The following LRRTM4 variants were observed in gnomAD, a reference collection of about 807,000 sequenced individuals.
LRRTM4 encodes leucine rich repeat transmembrane neuronal 4.
A neutral mutation model predicts 47.6 loss-of-function variants in LRRTM4; 25 were observed. That is an observed-to-expected ratio of 0.53 (90% CI 0.38 to 0.73). LRRTM4 has a LOEUF of 0.73. LRRTM4 is among the 30% of genes least tolerant of loss of function. LRRTM4 has a pLI of 0.00. For missense variants in LRRTM4, 638 were observed against 713.4 expected (o/e 0.89, Z 1.20); for synonymous variants, 311 against 269.5 (o/e 1.15, Z -1.51).
intron 3 of LRRTM4, among the ~76,000 whole-genome samples, chr2:77,280,621 G>A (rs1460972991): frequency 6.6e-6 from 1 of 151,884 alleles, no homozygotes; most frequent in Non-Finnish European, 1.5e-5. Flanking sequence ...TTTGCAGTGT[G>A]ACTTTGCCCG....
chr2:76,783,794 C>G (rs976434492), intron 3 of LRRTM4, among the ~76,000 whole-genome samples: 2 of 151,986 alleles, frequency 1.3e-5, no homozygotes, highest in African/African-American at 4.8e-5. Context: ...TGAGATCAGA[C>G]AAGTAAAAAA....
intron 3 of LRRTM4, among the ~76,000 whole-genome samples, chr2:77,162,886 G>T (rs1248173149): frequency 6.6e-6 from 1 of 152,156 alleles, no homozygotes; most frequent in Non-Finnish European, 1.5e-5. Flanking sequence ...GAGCAGAAAA[G>T]CTGAAAATTT....
At chr2:76,749,552 T>C (rs1368774109) in intron 3 of LRRTM4, among the ~76,000 whole-genome samples, 3 of 152,166 alleles carry the variant, frequency 2.0e-5, no homozygotes, top group Non-Finnish European at 4.4e-5. Context: ...CAAAGAACTC[T>C]GGAATCATGG....
At chr2:77,255,167 A>G (rs1245572898) in intron 3 of LRRTM4, among the ~76,000 whole-genome samples, 2 of 151,954 alleles carry the variant, frequency 1.3e-5, no homozygotes, top group South Asian at 2.1e-4. Context: ...AAACAAAACT[A>G]CTAGTAACAG....
At position 76,779,590 on chromosome 2, in the gene LRRTM4, CT is replaced by C. The variant is rs536113824; in HGVS notation, c.1552-30675del. On this transcript the variant is annotated intron_variant, in intron 3 of 3. Transcript: ENST00000409884. ...CAGAGACTAGGATTGCAACCCCTGCCTTTTTTTGTTTTCCATTGGCTTGGTA... is the reference window on the plus strand; with the variant it reads ...CAGAGACTAGGATTGCAACCCCTGCCTTTTTTGTTTTCCATTGGCTTGGTA... 5.3e-3 allele frequency among the ~76,000 whole-genome samples: 778 copies of C among 147,470 alleles called. 7 individuals are homozygous for C. Among genetic ancestry groups the C allele is most frequent in the African/African-American group, 0.018 (703 of 39,690 alleles).
At position 77,522,302 on chromosome 2, in the gene LRRTM4, C is replaced by T. The variant is rs899848693; in HGVS notation, c.-341G>A. 13 of 534,702 alleles carry T rather than the reference C, an allele frequency of 2.4e-5. 1 individual carries two copies. The highest frequency in any genetic ancestry group is 1.3e-4 in the African/African-American group (7 of 51,858). 33.1% of individuals were successfully genotyped at this position (534,702 alleles called of 1,614,324 possible). On this transcript the variant is annotated 5_prime_UTR_variant, in exon 1 of 4. Coordinates refer to ENST00000409884, the MANE Select transcript of LRRTM4 (RefSeq NM_001134745.3). ...AGCTGTGCTGGGAGGCAGCCCTTGT[C>T]TAATTCAGAAGGCTTTCCAGAGACT... is the stretch of plus-strand genomic sequence containing the variant.
chr2:76,974,788 T>A (rs1558772280), intron 3 of LRRTM4, among the ~76,000 whole-genome samples: 2 of 151,830 alleles, frequency 1.3e-5, no homozygotes, highest in Non-Finnish European at 2.9e-5. Flanking sequence ...AACAATGTAC[T>A]ACAAAAGTTG....
chr2:77,393,076 C>A (rs1045845893), intron 3 of LRRTM4, among the ~76,000 whole-genome samples: 1 of 151,894 alleles, frequency 6.6e-6, no homozygotes, highest in African/African-American at 2.4e-5. Flanking sequence ...AAAAGTTTTG[C>A]TTTATTTTTG....
intron 1 of LRRTM4, 61 bp from the exon 2 acceptor site, chr2:77,521,879 A>G (rs1321183309): frequency 9.9e-6 from 3 of 304,526 alleles, no homozygotes; most frequent in Non-Finnish European, 1.7e-5. Context: ...ATACATATAT[A>G]TATATATATA....
chr2:77,266,581 C>T (rs10496205), intron 3 of LRRTM4, among the ~76,000 whole-genome samples: 13,196 of 152,042 alleles, frequency 0.087, 709 homozygotes, highest in East Asian at 0.31. Context: ...AAATTGCATT[C>T]CAAAGGTCTA....
chr2:77,087,193 G>C (rs1288659920), intron 3 of LRRTM4, among the ~76,000 whole-genome samples: 1 of 152,132 alleles, frequency 6.6e-6, no homozygotes, highest in Non-Finnish European at 1.5e-5. Flanking sequence ...TCAAGAGAGT[G>C]GGCATACATA....
rs1055119525 is a variant in LRRTM4, at chr2:76,811,460, T to C, written c.1552-62544A>G. Among the ~76,000 whole-genome samples the C allele has an allele frequency of 3.9e-5, 6 of 152,278 alleles. No individual in the cohort carries two copies. In the South Asian group the frequency reaches 1.2e-3, roughly 32 times the overall value. On this transcript the variant is annotated intron_variant, in intron 3 of 3. Transcript: ENST00000409884. ...GGACTCTTGGGAGGAAATCAAGCTG[T>C]CTGAGAATTCAGAGGTGGCAGCCAG...
At chr2:76,904,473 T>G (rs1673752739) in intron 3 of LRRTM4, among the ~76,000 whole-genome samples, 1 of 152,220 alleles carries the variant, frequency 6.6e-6, no homozygotes, top group African/African-American at 2.4e-5. Context: ...TAGGAATATC[T>G]TTGTAAGGGA....
At chr2:76,789,125 G>A (rs544852850) in intron 3 of LRRTM4, among the ~76,000 whole-genome samples, 6 of 152,200 alleles carry the variant, frequency 3.9e-5, no homozygotes, top group African/African-American at 9.6e-5. Flanking sequence ...TCCAGCCCAC[G>A]CTGCACTCAC....
intron 3 of LRRTM4, among the ~76,000 whole-genome samples, chr2:76,992,692 A>G (rs1283260023): frequency 6.6e-6 from 1 of 151,788 alleles, no homozygotes; most frequent in Non-Finnish European, 1.5e-5. Flanking sequence ...TAAGATGGCT[A>G]TACTGCCCAA....
At chr2:77,111,582 C>T (rs905835054) in intron 3 of LRRTM4, among the ~76,000 whole-genome samples, 3 of 152,088 alleles carry the variant, frequency 2.0e-5, no homozygotes, top group Non-Finnish European at 4.4e-5. Context: ...CTCTCTCACT[C>T]CTGTGCTGTC....
intron 3 of LRRTM4, among the ~76,000 whole-genome samples, chr2:77,132,571 C>CAAA (rs1558596531): frequency 6.6e-6 from 1 of 152,138 alleles, no homozygotes. Context: ...TGGTGAGGAC[C>CAAA]CAGTCTCTGC....
chr2:76,904,354 C>T lies in LRRTM4; in HGVS notation c.1552-155438G>A, dbSNP rs150105879. ...CAGATTTGATTCAGAGATTGTTATT[C>T]GAGGAAGAAACAATGACAGACAGAG... On this transcript the variant is annotated intron_variant, in intron 3 of 3. Transcript: ENST00000409884. Among the ~76,000 whole-genome samples, 330 of 152,256 alleles carry T rather than the reference C, an allele frequency of 2.2e-3. 7 individuals carry two copies. The highest frequency in any genetic ancestry group is 7.7e-3 in the African/African-American group (321 of 41,532).
chr2:77,225,037 C>G (rs1161539057), intron 3 of LRRTM4, among the ~76,000 whole-genome samples: 1 of 151,800 alleles, frequency 6.6e-6, no homozygotes. Context: ...TGCAGCCATA[C>G]AAAATGATGA....
Sources: gnomAD v4.1 joint callset for allele counts (sites outside exome capture counted in the v4.1 genomes callset) on GRCh38, gnomAD v4.1.1 for gene constraint, MANE v1.5 for transcripts, NCBI Gene and HGNC (gene_info 2026-07-23, HGNC 2026-07-21) for gene names.